KLF15: variants seen among roughly 807,000 people sequenced by gnomAD.
KLF15 encodes the protein KLF transcription factor 15, also known as Krueppel-like factor 15.
Under a neutral mutation model 24.6 loss-of-function variants are expected in KLF15, and 4 were observed. The observed-to-expected ratio is 0.16, with a 90% confidence interval of 0.08 to 0.37. KLF15 has a LOEUF of 0.37. KLF15 is among the 10% of genes least tolerant of loss of function. KLF15 has a pLI of 1.00. For synonymous variants in KLF15, 246 were observed against 236.3 expected, an observed-to-expected ratio of 1.04 and a Z score of -0.37; for missense variants, 496 against 560.6, an observed-to-expected ratio of 0.88 and a Z score of 1.16.
chr3:126,307,262 C>A, the KLF15 span, among the ~76,000 whole-genome samples: 1 of 152,152 alleles, frequency 6.6e-6, no homozygotes, highest in Non-Finnish European at 1.5e-5. Flanking sequence ...CCTGGGTCAC[C>A]GGGCTCCTCC....
the KLF15 span, among the ~76,000 whole-genome samples, chr3:126,313,814 C>T: frequency 6.6e-6 from 1 of 152,242 alleles, no homozygotes; most frequent in African/African-American, 2.4e-5. Context: ...ACCATCTGGT[C>T]TGGGCTCAGC....
At position 126,352,304 on chromosome 3, in the gene KLF15, G is replaced by A; in HGVS notation, c.619C>T (p.Pro207Ser). Residue 207 changes from proline to serine, a missense_variant, in exon 2 of 3, where the codon CCA (proline) becomes TCA (serine). By Grantham distance (74) the Pro-to-Ser change is moderately conservative. Transcript: ENST00000296233. ...CCATCAGGCGTGGGGCCCCCACCTG[G>A]GCCCTGGGCACCTCCTGCACTGGCA... The part of the protein sequence containing the change: ...GGASAGGAQG[P>S]GGGPTPDGPI... 6.4e-7 allele frequency: 1 copy of A among 1,552,288 alleles called. No individual in the cohort carries two copies. Among genetic ancestry groups the A allele is most frequent in the Non-Finnish European group, 8.7e-7 (1 of 1,152,346 alleles).
chr3:126,320,183 C>G, the KLF15 span, among the ~76,000 whole-genome samples: 1 of 152,164 alleles, frequency 6.6e-6, no homozygotes, highest in Non-Finnish European at 1.5e-5. Context: ...GATCACATGA[C>G]CACTTTGGAG....
chr3:126,298,286 T>C, the KLF15 span, among the ~76,000 whole-genome samples: 3 of 151,216 alleles, frequency 2.0e-5, no homozygotes, highest in African/African-American at 2.4e-5. Context: ...AGCCCACTTC[T>C]TGATGGGATT....
chr3:126,322,496 C>G, the KLF15 span, among the ~76,000 whole-genome samples: 6 of 152,166 alleles, frequency 3.9e-5, 1 homozygote, highest in Non-Finnish European at 8.8e-5. Flanking sequence ...CATAAGGACC[C>G]TTGTGATTAC....
rs545174525 is a variant in KLF15 at position 126,342,769 on chromosome 3, T to C, written c.*958A>G. 1 of 152,744 alleles carries C rather than the reference T, an allele frequency of 6.5e-6. No homozygotes were observed. Among genetic ancestry groups the C allele is most frequent in the African/African-American group, 2.4e-5 (1 of 41,580 alleles). 9.5% of individuals were successfully genotyped at this position (152,744 alleles called of 1,614,324 possible). On this transcript the variant is annotated 3_prime_UTR_variant, in exon 3 of 3. Transcript: ENST00000296233. ...TTTCAAATTTACACAAATGTTGATA[T>C]GTTATTAAAAGATATTTTATGTGGA...
At chr3:126,310,560 G>A in the KLF15 span, among the ~76,000 whole-genome samples, 285 of 152,224 alleles carry the variant, frequency 1.9e-3, 2 homozygotes, top group Admixed American at 3.7e-3. Flanking sequence ...AACAACAGAC[G>A]CTTATTTCCT....
rs1013780901 is a variant in KLF15, at chr3:126,342,986, G to C, written c.*741C>G. The C allele has an allele frequency of 5.3e-5, 8 of 152,372 alleles. No individual in the cohort carries two copies. Among genetic ancestry groups the C allele is most frequent in the African/African-American group, 1.9e-4 (8 of 41,448 alleles). The allele number at this position is 152,372 out of a possible 1,614,324, so 9.4% of individuals were successfully genotyped here. ...CCTCCCAAGGCCACCCTAAAGGCTG[G>C]TGTCTGGATTTGTCTGGGAAACCGG... On this transcript the variant is annotated 3_prime_UTR_variant, in exon 3 of 3. Coordinates refer to ENST00000296233, the MANE Select transcript of KLF15 (RefSeq NM_014079.4).
chr3:126,307,861 C>T, the KLF15 span, among the ~76,000 whole-genome samples: 1 of 152,144 alleles, frequency 6.6e-6, no homozygotes, highest in East Asian at 1.9e-4. Flanking sequence ...TCACTTAGTT[C>T]CCCCCAGGCC....
the KLF15 span, among the ~76,000 whole-genome samples, chr3:126,306,397 C>T: frequency 2.6e-5 from 4 of 152,288 alleles, no homozygotes; most frequent in East Asian, 7.7e-4. Context: ...CTGTTCCCCA[C>T]CCCTAAGATT....
rs2082633785 is a variant in KLF15, at chr3:126,356,578, G to A, written c.-26+659C>T. Among the ~76,000 whole-genome samples, 1 of 152,128 alleles carries A rather than the reference G, an allele frequency of 6.6e-6. No individual in the cohort carries two copies. The highest frequency in any genetic ancestry group is 6.5e-5 in the Admixed American group (1 of 15,286). The stretch of plus-strand genomic sequence containing the variant: ...ACGCGTGAACGGTGCGGGTGTGCGT[G>A]AAGGGGTGTGAGTTCCTGTCGTGTG... On this transcript the variant is annotated intron_variant, in intron 1 of 2. Coordinates refer to ENST00000296233, the MANE Select transcript of KLF15 (RefSeq NM_014079.4). The surrounding 1 kb of genome is among the most constrained non-coding windows in gnomAD (Gnocchi z 4.4).
the KLF15 span, among the ~76,000 whole-genome samples, chr3:126,330,023 C>T: frequency 6.6e-6 from 1 of 152,068 alleles, no homozygotes; most frequent in African/African-American, 2.4e-5. Context: ...GGCCGTATGA[C>T]TTGTTCTGCC....
intron 2 of KLF15, among the ~76,000 whole-genome samples, chr3:126,349,400 C>T (rs2082563275): frequency 6.6e-6 from 1 of 152,150 alleles, no homozygotes; most frequent in Non-Finnish European, 1.5e-5. Context: ...GCCAGGCAAC[C>T]ACTACACCTT....
chr3:126,343,400 G>A lies in KLF15; in HGVS notation c.*327C>T. 3.2e-6 allele frequency: 1 copy of A among 315,406 alleles called. No homozygotes were observed. The highest frequency in any genetic ancestry group is 7.9e-5 in the East Asian group (1 of 12,592). The allele number at this position is 315,406 out of a possible 1,614,324, so 19.5% of individuals were successfully genotyped here. A position where few individuals can be genotyped will look rare whatever the true frequency, so the allele number is the denominator to read the frequency against. On this transcript the variant is annotated 3_prime_UTR_variant, in exon 3 of 3. Coordinates refer to ENST00000296233, the MANE Select transcript of KLF15 (RefSeq NM_014079.4). ...AGGATGGGGGAGCCCAGTGGGAGAA[G>A]GGCCAGGTCCCCAAAACTCTGCCTG... is the stretch of plus-strand genomic sequence containing the variant.
At chr3:126,346,895 T>C (rs1391016102) in intron 2 of KLF15, among the ~76,000 whole-genome samples, 1 of 152,218 alleles carries the variant, frequency 6.6e-6, no homozygotes, top group African/African-American at 2.4e-5. Context: ...TGAGCCTCAG[T>C]TTCTCTACCC....
chr3:126,298,661 G>A, the KLF15 span, among the ~76,000 whole-genome samples: 3 of 152,060 alleles, frequency 2.0e-5, no homozygotes, highest in Non-Finnish European at 4.4e-5. Context: ...TGAGATATGA[G>A]GATCCAGTTT....
At chr3:126,295,865 G>C in the KLF15 span, among the ~76,000 whole-genome samples, 2 of 152,162 alleles carry the variant, frequency 1.3e-5, no homozygotes, top group Admixed American at 1.3e-4. Context: ...CAAGAACACT[G>C]TTAGGTTGGA....
the KLF15 span, among the ~76,000 whole-genome samples, chr3:126,306,252 C>A: frequency 6.6e-6 from 1 of 152,116 alleles, no homozygotes; most frequent in South Asian, 2.1e-4. Flanking sequence ...GGTGGACTTT[C>A]CTTTGAAGGA....
chr3:126,313,898 A>G, the KLF15 span, among the ~76,000 whole-genome samples: 1 of 152,152 alleles, frequency 6.6e-6, no homozygotes, highest in African/African-American at 2.4e-5. Context: ...CTTGAGCAGA[A>G]CTCAGCAAAC....
Sources: allele counts gnomAD v4.1 joint callset (sites outside exome capture counted in the v4.1 genomes callset), GRCh38; gene constraint gnomAD v4.1.1; non-coding constraint Gnocchi (gnomAD v3.1); transcripts MANE v1.5; gene names NCBI Gene and HGNC (gene_info 2026-07-23, HGNC 2026-07-21).